Variants in ATP8A2 observed in about 807,000 individuals in gnomAD.
The protein encoded by ATP8A2 is phospholipid-transporting ATPase IB.
A neutral mutation model predicts 165.6 loss-of-function variants in ATP8A2; 100 were observed. The observed-to-expected ratio is 0.60, with a 90% CI of 0.51 to 0.71. The LOEUF (loss-of-function observed/expected upper bound fraction) is 0.71. Ranked by LOEUF, ATP8A2 falls within the 30% of genes least tolerant of loss-of-function variation. ATP8A2 has a pLI of 0.00. For synonymous variants in ATP8A2, 543 were observed against 548.8 expected (o/e 0.99, Z 0.15); for missense variants, 1,227 against 1,479.5 (o/e 0.83, Z 2.80).
chr13:25,571,855 G>C lies in ATP8A2; in HGVS notation c.1662+163G>C. ...AATGTGATTATATTAGCTTGTTCGA[G>C]TTGTTTTGCATTGCAGTATTGTTTT... On this transcript the variant is annotated intron_variant, in intron 18 of 36. Transcript: ENST00000381655. 4.2e-6 allele frequency: 3 copies of C among 722,044 alleles called. No individual in the cohort carries two copies. In the South Asian group the frequency reaches 4.7e-5, roughly 11 times the overall value. 44.7% of individuals were successfully genotyped at this position (722,044 alleles called of 1,614,324 possible). A position where few individuals can be genotyped will look rare whatever the true frequency, so the allele number is the denominator to read the frequency against.
chr13:25,756,878 C>T (rs1317660978), intron 25 of ATP8A2, among the ~76,000 whole-genome samples: 3 of 152,200 alleles, frequency 2.0e-5, no homozygotes, highest in African/African-American at 7.2e-5. Flanking sequence ...TAGAAATCCT[C>T]CTCATTGGTC....
chr13:25,946,464 C>T (rs1955214044), intron 33 of ATP8A2, among the ~76,000 whole-genome samples: 1 of 152,212 alleles, frequency 6.6e-6, no homozygotes, highest in Admixed American at 6.5e-5. Context: ...TCAAGGCCTC[C>T]ATGTCCATCC....
intron 25 of ATP8A2, among the ~76,000 whole-genome samples, chr13:25,711,830 G>A (rs2043165451): frequency 6.6e-6 from 1 of 152,148 alleles, no homozygotes; most frequent in Admixed American, 6.5e-5. Context: ...TGTACTTGGG[G>A]ATGGTGAGAT....
At chr13:25,418,080 G>A (rs78229972) in intron 1 of ATP8A2, among the ~76,000 whole-genome samples, 4,548 of 152,080 alleles carry the variant, frequency 0.03, 230 homozygotes, top group African/African-American at 0.1. Context: ...CTCTCAACCC[G>A]CCTATTCCTT....
At chr13:25,428,609 C>A (rs1255593161) in intron 1 of ATP8A2, among the ~76,000 whole-genome samples, 1 of 152,168 alleles carries the variant, frequency 6.6e-6, no homozygotes, top group Non-Finnish European at 1.5e-5. Flanking sequence ...AAGGGCATGT[C>A]TGACCTAGGT....
intron 24 of ATP8A2, among the ~76,000 whole-genome samples, chr13:25,657,267 T>C (rs1160356958): frequency 6.6e-6 from 1 of 151,976 alleles, no homozygotes; most frequent in Admixed American, 6.6e-5. Flanking sequence ...TCTTTTGCCT[T>C]GTCTGGAGGT....
At chr13:25,558,629 T>C (rs760080967) in intron 13 of ATP8A2, among the ~76,000 whole-genome samples, 57 of 152,088 alleles carry the variant, frequency 3.7e-4, no homozygotes, top group Non-Finnish European at 8.1e-4. Flanking sequence ...CTGGAGGCAA[T>C]TCTGTTAATT....
intron 2 of ATP8A2, among the ~76,000 whole-genome samples, chr13:25,491,106 T>G (rs953193317): frequency 1.3e-5 from 2 of 152,212 alleles, no homozygotes; most frequent in African/African-American, 4.8e-5. Context: ...CACACATATA[T>G]TCTTCAATGT....
chr13:25,666,233 C>T (rs1054520568), intron 24 of ATP8A2, among the ~76,000 whole-genome samples: 5 of 151,460 alleles, frequency 3.3e-5, no homozygotes, highest in Non-Finnish European at 5.9e-5. Flanking sequence ...TTTTTTGAGA[C>T]CTAGTCTTGC....
chr13:25,862,506 T>G, intron 33 of ATP8A2, 98 bp downstream of exon 33: 1 of 874,322 alleles, frequency 1.1e-6, no homozygotes, highest in Non-Finnish European at 1.9e-6. Flanking sequence ...ACAGCCACGA[T>G]GAGCTTCAGG....
chr13:25,791,085 C>A (rs2045159298), intron 27 of ATP8A2, among the ~76,000 whole-genome samples: 3 of 152,140 alleles, frequency 2.0e-5, no homozygotes, highest in Admixed American at 2.0e-4. Flanking sequence ...CATATGCATG[C>A]ATATGTTCAT....
chr13:25,795,262 CCTCA>C (rs1181368043), intron 27 of ATP8A2, among the ~76,000 whole-genome samples: 1 of 152,032 alleles, frequency 6.6e-6, no homozygotes, highest in Non-Finnish European at 1.5e-5. Flanking sequence ...GCTTCATATC[CCTCA>C]CTATTTTTGA....
chr13:25,903,800 C>T (rs988876079), intron 33 of ATP8A2, among the ~76,000 whole-genome samples: 2 of 152,218 alleles, frequency 1.3e-5, no homozygotes, highest in African/African-American at 4.8e-5. Flanking sequence ...CCTCTGGACA[C>T]ACTGTGGGAT....
At chr13:25,488,630 G>T (rs2137624907) in intron 2 of ATP8A2, among the ~76,000 whole-genome samples, 1 of 152,238 alleles carries the variant, frequency 6.6e-6, no homozygotes, top group African/African-American at 2.4e-5. Flanking sequence ...CCAACTACTT[G>T]GGAGGTGGAG....
intron 27 of ATP8A2, among the ~76,000 whole-genome samples, chr13:25,781,030 G>A (rs1216480972): frequency 6.6e-6 from 1 of 152,146 alleles, no homozygotes; most frequent in East Asian, 1.9e-4. Flanking sequence ...GGGAGGCCGA[G>A]GTGGGTGGAT....
chr13:25,965,901 A>G (rs903840073), intron 34 of ATP8A2, among the ~76,000 whole-genome samples: 2 of 152,144 alleles, frequency 1.3e-5, no homozygotes, highest in African/African-American at 2.4e-5. Context: ...ATTTCTTTTA[A>G]CTTTCTAACT....
rs532127630 is a variant in ATP8A2, at chr13:25,648,305, A to G, written c.2212-50868A>G. ...TTTCTTTGTCAGTCTTGCCATTTGGATTGGTTCCAGGACCCTCCTCTCCCC... is the reference window on the plus strand; with the variant it reads ...TTTCTTTGTCAGTCTTGCCATTTGGGTTGGTTCCAGGACCCTCCTCTCCCC... On this transcript the variant is annotated intron_variant, in intron 24 of 36. Coordinates refer to ENST00000381655, the MANE Select transcript of ATP8A2 (RefSeq NM_016529.6). Among the ~76,000 whole-genome samples, 3 of 152,088 alleles carry G rather than the reference A, an allele frequency of 2.0e-5. No individual in the cohort carries two copies. In the East Asian group the frequency reaches 5.8e-4, roughly 29 times the overall value.
At chr13:25,887,272 A>G (rs903777414) in intron 33 of ATP8A2, among the ~76,000 whole-genome samples, 13 of 152,172 alleles carry the variant, frequency 8.5e-5, no homozygotes, top group African/African-American at 2.9e-4. Context: ...TGAATATTCT[A>G]CTTCTATAAA....
chr13:25,413,921 C>A (rs2034053450), intron 1 of ATP8A2, among the ~76,000 whole-genome samples: 1 of 151,916 alleles, frequency 6.6e-6, no homozygotes, highest in African/African-American at 2.4e-5. Flanking sequence ...CATGGATTGA[C>A]TGAAAATCTT....
Sources: gnomAD v4.1 joint callset for allele counts (sites outside exome capture counted in the v4.1 genomes callset) on GRCh38, gnomAD v4.1.1 for gene constraint, MANE v1.5 for transcripts, NCBI Gene and HGNC (gene_info 2026-07-23, HGNC 2026-07-21) for gene names.